The following MEGF6 variants were observed in gnomAD, a reference collection of about 807,000 sequenced individuals.
The protein encoded by MEGF6 is multiple EGF like domains 6.
MEGF6 carries 184 observed loss-of-function variants against 207.1 expected under a neutral mutation model. The ratio of observed to expected loss-of-function variants is 0.89; its 90% confidence interval spans 0.79 to 1.00. The LOEUF (loss-of-function observed/expected upper bound fraction) is 1.00. MEGF6 is among the 50% of genes least tolerant of loss of function. MEGF6 has a pLI of 0.00. For missense variants in MEGF6, 2,282 were observed against 2,202.9 expected, an observed-to-expected ratio of 1.04 and a Z score of -0.72; for synonymous variants, 1,038 against 910.0, an observed-to-expected ratio of 1.14 and a Z score of -2.53.
At chr1:3,526,675 A>G (rs1381386464) in intron 4 of MEGF6, among the ~76,000 whole-genome samples, 1 of 152,100 alleles carries the variant, frequency 6.6e-6, no homozygotes, top group East Asian at 1.9e-4. Context: ...CCGAGATTAC[A>G]GGCCTGAGCC....
chr1:3,579,841 T>G lies in MEGF6; in HGVS notation c.465A>C (p.Gly155=). 1 of 1,523,674 alleles carries G rather than the reference T, an allele frequency of 6.6e-7. No homozygotes were observed. The highest frequency in any genetic ancestry group is 8.8e-7 in the Non-Finnish European group (1 of 1,141,932). The allele number at this position is 1,523,674 out of a possible 1,614,324, so 94.4% of individuals were successfully genotyped here. A position where few individuals can be genotyped will look rare whatever the true frequency, so the allele number is the denominator to read the frequency against. ...QPCHCPPGFQ[G]PRCQYDVDEC... Reference sequence around the variant, plus strand: ...TCCACTCACCATACTGACAGCGGGGTCCCTGGAAGCCGGGGGGACAGTGAC... The same window carrying G: ...TCCACTCACCATACTGACAGCGGGGGCCCTGGAAGCCGGGGGGACAGTGAC... Residue 155 remains glycine (G), a synonymous_variant, in exon 4 of 37, where the codon GGA becomes GGC. Coordinates refer to ENST00000356575, the MANE Select transcript of MEGF6 (RefSeq NM_001409.4).
intron 4 of MEGF6, among the ~76,000 whole-genome samples, chr1:3,552,524 C>T (rs1170342882): frequency 2.6e-5 from 4 of 152,210 alleles, no homozygotes; most frequent in Non-Finnish European, 5.9e-5. Context: ...TATGAGATCC[C>T]GTCTCTACAA....
intron 26 of MEGF6, among the ~76,000 whole-genome samples, chr1:3,497,962 G>A (rs956701333): frequency 9.9e-5 from 15 of 152,148 alleles, no homozygotes; most frequent in Non-Finnish European, 2.9e-5. Context: ...AGGCCCCGCT[G>A]GGTGGACCAG....
rs937395956 is a variant in MEGF6 at position 3,501,992 on chromosome 1, G to A, written c.2189-71C>T. The A allele has an allele frequency of 9.2e-6, 14 of 1,527,646 alleles. 1 individual carries two copies. The Admixed American group carries it at 1.1e-4, about 12-fold the overall frequency. 94.6% of individuals were successfully genotyped at this position (1,527,646 alleles called of 1,614,324 possible). A position where few individuals can be genotyped will look rare whatever the true frequency, so the allele number is the denominator to read the frequency against. ...GACTGACCAGAGCCTTTCCCCCAGG[G>A]GCTCCTGGTGAGTGTGCCCCCTGTG... On this transcript the variant is annotated intron_variant, in intron 17 of 36. Transcript: ENST00000356575.
intron 4 of MEGF6, among the ~76,000 whole-genome samples, chr1:3,525,571 G>A (rs1383271967): frequency 1.3e-5 from 2 of 152,326 alleles, no homozygotes; most frequent in East Asian, 3.9e-4. Flanking sequence ...TTGAGAGGAC[G>A]CCTCCCATCA....
At position 3,506,226 on chromosome 1, in the gene MEGF6, C is replaced by T; in HGVS notation, c.1800G>A (p.Lys600=). The T allele has an allele frequency of 3.7e-6, 6 of 1,609,134 alleles. No individual in the cohort carries two copies. The highest frequency in any genetic ancestry group is 5.1e-6 in the Non-Finnish European group (6 of 1,178,450). ...SGTNCEDGCP[K]GYYGKHCRKK... is the part of the protein sequence containing the mutation. ...TGCGACAGTGCTTGCCATAGTAGCC[C>T]TTGGGGCAGCCTGGGGGCAGCGGGG... is the stretch of plus-strand genomic sequence containing the variant. The change falls in exon 15 of 37, where the codon AAG becomes AAA. Residue 600 remains lysine, a synonymous_variant. Transcript: ENST00000356575.
chr1:3,608,180 G>A lies in MEGF6; in HGVS notation c.131+2958C>T, dbSNP rs911842639. 3.9e-5 allele frequency among the ~76,000 whole-genome samples: 6 copies of A among 152,146 alleles called. 1 individual carries two copies. Among genetic ancestry groups the A allele is most frequent in the South Asian group, 4.1e-4 (2 of 4,832 alleles). On this transcript the variant is annotated intron_variant, in intron 1 of 36. Coordinates refer to ENST00000356575, the MANE Select transcript of MEGF6 (RefSeq NM_001409.4). Reference sequence around the variant, plus strand: ...CCAGGGCCCCATGCAGCCAGCATGCGGGGAATCTCAAGGCCCTGGGGTTGG... The same window carrying A: ...CCAGGGCCCCATGCAGCCAGCATGCAGGGAATCTCAAGGCCCTGGGGTTGG...
chr1:3,567,039 C>T (rs1434490620), intron 4 of MEGF6, among the ~76,000 whole-genome samples: 1 of 152,246 alleles, frequency 6.6e-6, no homozygotes, highest in East Asian at 1.9e-4. Context: ...CCCACCAGGG[C>T]CCCACACCCC....
At chr1:3,574,043 G>T (rs182223748) in intron 4 of MEGF6, among the ~76,000 whole-genome samples, 59 of 151,870 alleles carry the variant, frequency 3.9e-4, no homozygotes, top group Admixed American at 7.9e-4. Context: ...GCCCACACCC[G>T]AGAGGCCCAC....
Position 3,560,861 on chromosome 1 carries a change from TC to T in MEGF6, c.481+18963del. On this transcript the variant is annotated intron_variant, in intron 4 of 36. Transcript: ENST00000356575. This position sits in a 1 kb window ranked among gnomAD's most constrained non-coding sequence, Gnocchi z 4.0. ...GCGAGGGGGTTGCTGGGCTGGCTGG[TC>T]CCCCAGGTCTCTACGCGAAGGGGGT... is the stretch of plus-strand genomic sequence containing the variant. 4.5e-6 allele frequency: 2 copies of T among 440,434 alleles called. No individual in the cohort carries two copies. The highest frequency in any genetic ancestry group is 1.7e-5 in the South Asian group (1 of 60,576). The allele number at this position is 440,434 out of a possible 1,614,324, so 27.3% of individuals were successfully genotyped here.
chr1:3,621,597 G>A, the MEGF6 span, among the ~76,000 whole-genome samples: 1,208 of 152,248 alleles, frequency 7.9e-3, 12 homozygotes, highest in South Asian at 0.013. Context: ...GGAACAGCTC[G>A]TGCCCTCGGT....
At chr1:3,509,325 C>T in intron 11 of MEGF6, 80 bp from the exon 12 acceptor site, 2 of 1,293,298 alleles carry the variant, frequency 1.5e-6, no homozygotes, top group African/African-American at 3.1e-5. Context: ...AGGGCTGGGC[C>T]TAAGCCCCAC....
At chr1:3,529,525 A>G (rs564977041) in intron 4 of MEGF6, among the ~76,000 whole-genome samples, 7 of 152,352 alleles carry the variant, frequency 4.6e-5, no homozygotes, top group African/African-American at 1.7e-4. Context: ...CAGCTGGGCC[A>G]GGATCCTGCT....
intron 4 of MEGF6, among the ~76,000 whole-genome samples, chr1:3,526,454 A>G (rs1641967063): frequency 6.7e-6 from 1 of 149,920 alleles, no homozygotes; most frequent in African/African-American, 2.5e-5. Context: ...CTGGAGTGCA[A>G]TGGTGCAACC....
intron 4 of MEGF6, among the ~76,000 whole-genome samples, chr1:3,575,309 A>T (rs1243522972): frequency 3.9e-5 from 6 of 152,088 alleles, no homozygotes; most frequent in African/African-American, 1.4e-4. Flanking sequence ...GATGAAACTG[A>T]TACTCTGATG....
At chr1:3,502,438 C>G (rs1418318996) in intron 17 of MEGF6, among the ~76,000 whole-genome samples, 5 of 152,210 alleles carry the variant, frequency 3.3e-5, no homozygotes, top group African/African-American at 4.8e-5. Context: ...CTCCACCCAG[C>G]TGGGAGCCCC....
At chr1:3,617,055 C>A in the MEGF6 span, among the ~76,000 whole-genome samples, 1 of 152,120 alleles carries the variant, frequency 6.6e-6, no homozygotes, top group South Asian at 2.1e-4. Flanking sequence ...TCCCCCTCTA[C>A]ACCCTGCTCC....
At position 3,595,376 on chromosome 1, in the gene MEGF6, C is replaced by T; in HGVS notation, c.338G>A (p.Gly113Glu). 1 of 1,612,688 alleles carries T rather than the reference C, an allele frequency of 6.2e-7. No homozygotes were observed. ...CTCCTCGTCGGGCTGCTGCATCCAC[C>T]CTCGGCAGCACCTGAGCACGGTCCG... ...EARTVLRCCR[G>E]WMQQPDEEGC... The change falls in exon 3 of 37, where the codon GGG becomes GAG. Residue 113 changes from glycine (G) to glutamate (E), a missense_variant. Coordinates refer to ENST00000356575, the MANE Select transcript of MEGF6 (RefSeq NM_001409.4).
chr1:3,601,649 G>C (rs1349627001), intron 2 of MEGF6, among the ~76,000 whole-genome samples: 1 of 152,166 alleles, frequency 6.6e-6, no homozygotes, highest in Non-Finnish European at 1.5e-5. Flanking sequence ...CACTGTCCCG[G>C]GGTAGGAAGA....
Sources: allele counts gnomAD v4.1 joint callset (sites outside exome capture counted in the v4.1 genomes callset), GRCh38; gene constraint gnomAD v4.1.1; non-coding constraint Gnocchi (gnomAD v3.1); transcripts MANE v1.5; gene names NCBI Gene and HGNC (gene_info 2026-07-23, HGNC 2026-07-21).